KBTBD3: variants seen among roughly 807,000 people sequenced by gnomAD.
KBTBD3 encodes the protein kelch repeat and BTB domain-containing protein 3.
A neutral mutation model predicts 49.6 loss-of-function variants in KBTBD3; 38 were observed. The observed-to-expected ratio is 0.77, with a 90% CI of 0.59 to 1.00. The LOEUF is 1.00. Ranked by LOEUF, KBTBD3 falls within the 50% of genes least tolerant of loss-of-function variation. The pLI is 0.00. For missense variants in KBTBD3, 661 were observed against 712.0 expected (o/e 0.93, Z 0.81); for synonymous variants, 214 against 250.4 (o/e 0.85, Z 1.37).
chr11:106,064,828 G>A (rs145594910), intron 2 of KBTBD3, among the ~76,000 whole-genome samples: 170 of 152,100 alleles, frequency 1.1e-3, no homozygotes, highest in Non-Finnish European at 1.9e-3. Flanking sequence ...CTACAGAATC[G>A]GGTGACTCAG....
intron 2 of KBTBD3, among the ~76,000 whole-genome samples, chr11:106,060,231 A>G (rs2135005470): frequency 6.6e-6 from 1 of 152,010 alleles, no homozygotes; most frequent in South Asian, 2.1e-4. Context: ...TATTCGATAT[A>G]TCTATTTAAT....
chr11:106,067,895 A>G (rs1860839507), intron 2 of KBTBD3, among the ~76,000 whole-genome samples: 1 of 152,196 alleles, frequency 6.6e-6, no homozygotes, highest in African/African-American at 2.4e-5. Flanking sequence ...ATTCACTTCA[A>G]ATATAATAAG....
chr11:106,077,034 T>TAGGC (rs1179360438), intron 1 of KBTBD3, among the ~76,000 whole-genome samples: 1 of 152,090 alleles, frequency 6.6e-6, no homozygotes, highest in Non-Finnish European at 1.5e-5. Context: ...GGGTTTCAGG[T>TAGGC]AGGCTGCTGC....
chr11:106,055,059 C>A (rs1860524307), intron 3 of KBTBD3, among the ~76,000 whole-genome samples: 1 of 151,846 alleles, frequency 6.6e-6, no homozygotes, highest in African/African-American at 2.4e-5. Context: ...TAACAGTGTA[C>A]CACATCAAGC....
chr11:106,074,332 C>T (rs1468776415), intron 2 of KBTBD3, among the ~76,000 whole-genome samples: 3 of 152,196 alleles, frequency 2.0e-5, no homozygotes, highest in Admixed American at 2.0e-4. Flanking sequence ...GTGGTAGCAT[C>T]ACCTCCAGTT....
Position 106,052,948 on chromosome 11 carries a change from C to A in KBTBD3, c.1741G>T (p.Glu581Ter), listed in dbSNP as rs896800142. 1.9e-6 allele frequency: 3 copies of A among 1,613,596 alleles called. No individual in the cohort carries two copies. In the African/African-American group the frequency reaches 4.0e-5, roughly 22 times the overall value. The change falls in exon 4 of 4, where the codon GAA becomes TAA. Residue 581 changes from glutamate to a stop codon, truncating the protein, a stop_gained. Coordinates refer to ENST00000531837, the MANE Select transcript of KBTBD3 (RefSeq NM_198439.3). LOFTEE classifies it high-confidence loss of function. ...VYHSNRSEWE[E>*]VSPMPRALTE... ...AAGGCTCTAGGCATTGGTGAAACTT[C>A]TTCCCATTCAGACCTGTTGCTGTGG...
chr11:106,054,372 A>C lies in KBTBD3; in HGVS notation c.317T>G (p.Phe106Cys), dbSNP rs954997136. ...TTTTCCAGTATAGGCATAATCGAGAAATGCTTTTACTGCCTTGGAGGACAA... is the reference window on the plus strand; with the variant it reads ...TTTTCCAGTATAGGCATAATCGAGACATGCTTTTACTGCCTTGGAGGACAA... ...TNLSSKAVKA[F>C]LDYAYTGKTK... The change falls in exon 4 of 4, where the codon TTT (phenylalanine) becomes TGT (cysteine). Residue 106 changes from phenylalanine to cysteine, a missense_variant. Transcript: ENST00000531837. 1 of 1,611,056 alleles carries C rather than the reference A, an allele frequency of 6.2e-7. No individual in the cohort carries two copies. The highest frequency in any genetic ancestry group is 8.5e-7 in the Non-Finnish European group (1 of 1,178,266).
intron 3 of KBTBD3, among the ~76,000 whole-genome samples, chr11:106,058,510 G>T (rs927352881): frequency 2.0e-5 from 3 of 151,872 alleles, no homozygotes; most frequent in Non-Finnish European, 4.4e-5. Context: ...CCCAACCTCA[G>T]CCTCCTGGGT....
At chr11:106,068,913 G>C (rs1308259783) in intron 2 of KBTBD3, among the ~76,000 whole-genome samples, 1 of 152,104 alleles carries the variant, frequency 6.6e-6, no homozygotes, top group Non-Finnish European at 1.5e-5. Flanking sequence ...ATACCGATTA[G>C]TGTAATTTAT....
intron 2 of KBTBD3, among the ~76,000 whole-genome samples, chr11:106,075,119 C>T (rs1164745180): frequency 2.0e-5 from 3 of 152,108 alleles, no homozygotes; most frequent in South Asian, 2.1e-4. Context: ...AAATAGAATA[C>T]GAGTCCCTCA....
chr11:106,056,559 A>G (rs1048957700), intron 3 of KBTBD3, among the ~76,000 whole-genome samples: 3 of 152,248 alleles, frequency 2.0e-5, no homozygotes, highest in African/African-American at 7.2e-5. Flanking sequence ...AGGTTTAGAA[A>G]TAATAATCAT....
chr11:106,070,047 G>C (rs2135020880), intron 2 of KBTBD3, among the ~76,000 whole-genome samples: 1 of 152,022 alleles, frequency 6.6e-6, no homozygotes, highest in Non-Finnish European at 1.5e-5. Context: ...GAAGAAAATG[G>C]ATATCCACAG....
intron 2 of KBTBD3, among the ~76,000 whole-genome samples, chr11:106,075,313 A>T (rs1861005620): frequency 6.6e-6 from 1 of 152,192 alleles, no homozygotes; most frequent in South Asian, 2.1e-4. Context: ...TTTCCTTAAT[A>T]AAAGTGAGGG....
intron 2 of KBTBD3, among the ~76,000 whole-genome samples, chr11:106,059,343 A>C (rs527812648): frequency 6.6e-6 from 1 of 152,362 alleles, no homozygotes; most frequent in African/African-American, 2.4e-5. Context: ...GCTAACATTG[A>C]AGGCTATATA....
chr11:106,058,324 T>G (rs1363259909), intron 3 of KBTBD3, among the ~76,000 whole-genome samples: 1 of 149,748 alleles, frequency 6.7e-6, no homozygotes, highest in African/African-American at 2.5e-5. Flanking sequence ...GAGCTTGCAG[T>G]GAGCCGAGAT....
rs932444272 is a variant in KBTBD3, at chr11:106,051,333, G to A, written c.*1517C>T. 6.6e-6 allele frequency: 1 copy of A among 151,798 alleles called. No individual in the cohort carries two copies. Among genetic ancestry groups the A allele is most frequent in the African/African-American group, 2.4e-5 (1 of 41,368 alleles). The allele number at this position is 151,798 out of a possible 1,614,324, so 9.4% of individuals were successfully genotyped here. ...AGATAAGAAGGCCACCAATAAATACGTCATCTAATCAGGAACAGTCCTTGA... is the reference window on the plus strand; with the variant it reads ...AGATAAGAAGGCCACCAATAAATACATCATCTAATCAGGAACAGTCCTTGA... On this transcript the variant is annotated 3_prime_UTR_variant, in exon 4 of 4. Transcript: ENST00000531837.
chr11:106,051,863 ATAC>A lies in KBTBD3; in HGVS notation c.*984_*986del, dbSNP rs1208893934. 4 of 152,012 alleles carry A rather than the reference ATAC, an allele frequency of 2.6e-5. No individual in the cohort carries two copies. Among genetic ancestry groups the A allele is most frequent in the Admixed American group, 1.3e-4 (2 of 15,240 alleles). The allele number at this position is 152,012 out of a possible 1,614,324, so 9.4% of individuals were successfully genotyped here. ...ACCAACATAGTGCTTTATAGTTGGT[ATAC>A]ATCATCACAGAAAATTGATATGGTA... is the stretch of plus-strand genomic sequence containing the variant. On this transcript the variant is annotated 3_prime_UTR_variant, in exon 4 of 4. Coordinates refer to ENST00000531837, the MANE Select transcript of KBTBD3 (RefSeq NM_198439.3).
At chr11:106,060,407 A>T (rs1453460961) in intron 2 of KBTBD3, among the ~76,000 whole-genome samples, 1 of 152,102 alleles carries the variant, frequency 6.6e-6, no homozygotes. Flanking sequence ...TCTCTTTAAC[A>T]TCTGGCTTAA....
In KBTBD3 at chr11:106,051,833, A is replaced by G. The variant is rs1860425098; in HGVS notation, c.*1017T>C. 1 of 151,890 alleles carries G rather than the reference A, an allele frequency of 6.6e-6. No homozygotes were observed. The highest frequency in any genetic ancestry group is 2.1e-4 in the South Asian group (1 of 4,836). The allele number at this position is 151,890 out of a possible 1,614,324, so 9.4% of individuals were successfully genotyped here. On this transcript the variant is annotated 3_prime_UTR_variant, in exon 4 of 4. Transcript: ENST00000531837. ...TTCACTAAGAATAATTTACTGAAGT[A>G]GTAAACCAACATAGTGCTTTATAGT...
Sources: allele counts gnomAD v4.1 joint callset (sites outside exome capture counted in the v4.1 genomes callset), GRCh38; gene constraint gnomAD v4.1.1; transcripts MANE v1.5; gene names NCBI Gene and HGNC (gene_info 2026-07-23, HGNC 2026-07-21).